Variants in PCCA observed in about 807,000 individuals in gnomAD.
PCCA encodes propionyl-CoA carboxylase subunit alpha, also known as propionyl-CoA carboxylase alpha chain, mitochondrial.
PCCA carries 74 observed loss-of-function variants against 101.3 expected under a neutral mutation model. That is an observed-to-expected ratio of 0.73 (90% CI 0.61 to 0.89). The LOEUF is 0.89. Among genes scored for constraint, PCCA ranks in the 40% least tolerant of loss-of-function variants. The pLI is 0.00. For synonymous variants in PCCA, 294 were observed against 313.6 expected, an observed-to-expected ratio of 0.94 and a Z score of 0.66; for missense variants, 891 against 907.0, an observed-to-expected ratio of 0.98 and a Z score of 0.23.
chr13:100,244,250 C>G (rs921285845), intron 8 of PCCA, among the ~76,000 whole-genome samples: 6 of 152,084 alleles, frequency 3.9e-5, no homozygotes, highest in Non-Finnish European at 7.4e-5. Context: ...TTGCTGTTTT[C>G]CTATTATTGA....
At chr13:100,152,532 C>T (rs906054886) in intron 4 of PCCA, among the ~76,000 whole-genome samples, 4 of 152,084 alleles carry the variant, frequency 2.6e-5, no homozygotes, top group African/African-American at 7.2e-5. Context: ...CTGCAAGCTC[C>T]GCCTCCCGGG....
intron 18 of PCCA, among the ~76,000 whole-genome samples, chr13:100,366,707 C>T (rs1472886716): frequency 6.6e-6 from 1 of 152,092 alleles, no homozygotes; most frequent in Admixed American, 6.6e-5. Context: ...CTGTGTGAGG[C>T]TCTATCCCCT....
chr13:100,350,488 C>T (rs997830637), intron 18 of PCCA, among the ~76,000 whole-genome samples: 2 of 152,166 alleles, frequency 1.3e-5, no homozygotes, highest in Non-Finnish European at 2.9e-5. Context: ...ATCACTTAAG[C>T]TTGCCTTACT....
At chr13:100,453,995 T>G (rs2081532022) in intron 21 of PCCA, among the ~76,000 whole-genome samples, 1 of 152,012 alleles carries the variant, frequency 6.6e-6, no homozygotes, top group Admixed American at 6.6e-5. Context: ...CTCAGCCTCC[T>G]GAGTAGCTGG....
At chr13:100,129,322 C>G (rs1453311419) in intron 4 of PCCA, among the ~76,000 whole-genome samples, 1 of 152,168 alleles carries the variant, frequency 6.6e-6, no homozygotes, top group Non-Finnish European at 1.5e-5. Flanking sequence ...GGCAGTTTAT[C>G]TAATGTGAAC....
At chr13:100,415,980 A>C (rs2078332354) in intron 19 of PCCA, among the ~76,000 whole-genome samples, 1 of 152,186 alleles carries the variant, frequency 6.6e-6, no homozygotes, top group Non-Finnish European at 1.5e-5. Flanking sequence ...AATATCTCTC[A>C]AATGTCAAAT....
chr13:100,351,758 T>C (rs1413639949), intron 18 of PCCA, among the ~76,000 whole-genome samples: 1 of 152,220 alleles, frequency 6.6e-6, no homozygotes, highest in Non-Finnish European at 1.5e-5. Flanking sequence ...TAAAAATGCA[T>C]ATGTTTAGAT....
rs200641726 is a variant in PCCA at position 100,515,578 on chromosome 13, T to C, written c.2040+11T>C. 114 of 1,612,626 alleles carry C rather than the reference T, an allele frequency of 7.1e-5. No homozygotes were observed. Among genetic ancestry groups the C allele is most frequent in the Non-Finnish European group, 8.3e-5 (98 of 1,179,704 alleles). On this transcript the variant is annotated intron_variant, in intron 22 of 23. Transcript: ENST00000376285. ...AAGCCTGGAGACGCGGTAAGGGCTG[T>C]GTGTGTCTCTCTGCAGGACATGCTG...
intron 18 of PCCA, among the ~76,000 whole-genome samples, chr13:100,367,888 G>A (rs2075308728): frequency 6.6e-6 from 1 of 151,666 alleles, no homozygotes; most frequent in South Asian, 2.1e-4. Flanking sequence ...AACCCAGGAG[G>A]CAGAGGTTGC....
At chr13:100,404,021 TG>T in intron 19 of PCCA, among the ~76,000 whole-genome samples, 1 of 152,340 alleles carries the variant, frequency 6.6e-6, no homozygotes, top group African/African-American at 2.4e-5. Context: ...TGACAGGGGA[TG>T]CTGTTTTGGG....
chr13:100,341,414 C>G (rs118134728), intron 18 of PCCA, among the ~76,000 whole-genome samples: 6 of 152,296 alleles, frequency 3.9e-5, no homozygotes, highest in Non-Finnish European at 7.4e-5. Context: ...GTTTCCCCCC[C>G]ACATAGTTGT....
intron 7 of PCCA, among the ~76,000 whole-genome samples, chr13:100,210,723 C>A (rs2152481436): frequency 6.6e-6 from 1 of 152,226 alleles, no homozygotes; most frequent in East Asian, 1.9e-4. Flanking sequence ...TTTGACTTAG[C>A]CTGCAGGAAC....
At chr13:100,312,022 G>A (rs943654832) in intron 16 of PCCA, among the ~76,000 whole-genome samples, 7 of 152,060 alleles carry the variant, frequency 4.6e-5, no homozygotes, top group African/African-American at 1.4e-4. Context: ...AAGATTATTA[G>A]GCACATGAGG....
intron 21 of PCCA, among the ~76,000 whole-genome samples, chr13:100,486,393 C>T (rs554042694): frequency 2.0e-5 from 3 of 152,292 alleles, no homozygotes; most frequent in South Asian, 4.1e-4. Context: ...CATTCACCAC[C>T]GTGTCCTTTG....
chr13:100,282,679 G>A (rs1791977579), intron 12 of PCCA, among the ~76,000 whole-genome samples: 1 of 152,232 alleles, frequency 6.6e-6, no homozygotes, highest in Admixed American at 6.5e-5. Flanking sequence ...ATGGCCACCT[G>A]AGGGAAGTAC....
chr13:100,524,983 G>GGATGGATGGATAGATAGATA (rs1555330339), intron 22 of PCCA, among the ~76,000 whole-genome samples: 1,932 of 137,232 alleles, frequency 0.014, 9 homozygotes, highest in South Asian at 0.018. Context: ...TCTCTAAGAT[G>GGATGGATGGATAGATAGATA]GATAGATAGA....
chr13:100,171,784 G>C (rs1001269779), intron 6 of PCCA, among the ~76,000 whole-genome samples: 7 of 152,018 alleles, frequency 4.6e-5, no homozygotes, highest in African/African-American at 1.7e-4. Context: ...TGTAATCTCA[G>C]CACTTTGGGA....
chr13:100,409,327 T>C (rs1254807927), intron 19 of PCCA, among the ~76,000 whole-genome samples: 1 of 152,190 alleles, frequency 6.6e-6, no homozygotes, highest in Non-Finnish European at 1.5e-5. Context: ...AAATGGTTCC[T>C]GGACTTTTCC....
At chr13:100,165,372 A>G (rs2054921484) in intron 6 of PCCA, among the ~76,000 whole-genome samples, 1 of 152,166 alleles carries the variant, frequency 6.6e-6, no homozygotes, top group African/African-American at 2.4e-5. Flanking sequence ...GGATATTTGT[A>G]ATGTCCGCTT....
Sources: allele counts gnomAD v4.1 joint callset (sites outside exome capture counted in the v4.1 genomes callset), GRCh38; gene constraint gnomAD v4.1.1; transcripts MANE v1.5; gene names NCBI Gene and HGNC (gene_info 2026-07-23, HGNC 2026-07-21).